NOC2L: variants seen among roughly 807,000 people sequenced by gnomAD.
NOC2L encodes NOC2 like nucleolar associated transcriptional repressor.
NOC2L carries 101 observed loss-of-function variants against 94.2 expected under a neutral mutation model. The observed-to-expected ratio is 1.07, with a 90% CI of 0.91 to 1.26. NOC2L has a LOEUF of 1.26. Ranked by LOEUF, NOC2L falls within the 50% of genes most tolerant of loss-of-function variation. The pLI is 0.00. For missense variants in NOC2L, 1,076 were observed against 980.1 expected (o/e 1.10, Z -1.31); for synonymous variants, 531 against 413.4 (o/e 1.28, Z -3.45).
In NOC2L at chr1:956,208, A is replaced by G. The variant is rs1642397202; in HGVS notation, c.494T>C (p.Leu165Pro). 1 of 1,613,460 alleles carries G rather than the reference A, an allele frequency of 6.2e-7. No individual in the cohort carries two copies. The highest frequency in any genetic ancestry group is 1.1e-5 in the South Asian group (1 of 91,084). ...CACTTCATGGAACAGCTTTGGAGTG[A>G]GGCGTTGCTGAAGGAGCAAGAGTAC... is the stretch of plus-strand genomic sequence containing the variant. ...ERWKQAAKQR[L>P]TPKLFHEVVQ... Residue 165 changes from leucine to proline, a missense_variant, in exon 5 of 19, where the codon CTC (leucine) becomes CCC (proline). Leu to Pro is a moderately conservative substitution (Grantham distance 98, BLOSUM62 -3). Coordinates refer to ENST00000327044, the MANE Select transcript of NOC2L (RefSeq NM_015658.4).
rs534317002 is a variant in NOC2L, at chr1:953,706, G to C, written c.888+76C>G. ...TGGGCACCACCTGTGCCCTGGCCAG[G>C]AGTGGGATGTGGTGGGGGTAGCCGT... On this transcript the variant is annotated intron_variant, in intron 8 of 18. Transcript: ENST00000327044. 217 of 1,106,284 alleles carry C rather than the reference G, an allele frequency of 2.0e-4. 3 individuals carry two copies. In the Middle Eastern group the frequency reaches 2.6e-3, roughly 13 times the overall value. The allele number at this position is 1,106,284 out of a possible 1,614,324, so 68.5% of individuals were successfully genotyped here.
chr1:946,450 G>A lies in NOC2L; in HGVS notation c.1755C>T (p.Cys585=). 1 of 1,613,374 alleles carries A rather than the reference G, an allele frequency of 6.2e-7. No homozygotes were observed. Among genetic ancestry groups the A allele is most frequent in the Non-Finnish European group, 8.5e-7 (1 of 1,180,010 alleles). ...CGAAGGAAACCCTCTGGCGGCGGCT[G>A]CAGATGTATGCCGAGTTCTCCTGAA... The part of the protein sequence containing the change: ...GKVQENSAYI[C]SRRQRVSFGV... The change falls in exon 15 of 19, where the codon TGC becomes TGT. Residue 585 remains cysteine (C), a synonymous_variant. Coordinates refer to ENST00000327044, the MANE Select transcript of NOC2L (RefSeq NM_015658.4).
intron 7 of NOC2L, 49 bp downstream of exon 7, chr1:953,955 G>A (rs764137394): frequency 4.3e-5 from 69 of 1,604,478 alleles, no homozygotes; most frequent in Non-Finnish European, 5.4e-5. Flanking sequence ...AAAAAGGACC[G>A]ACCACCAGAT....
At position 953,973 on chromosome 1, in the gene NOC2L, G is replaced by A. The variant is rs754659011; in HGVS notation, c.777+31C>T. On this transcript the variant is annotated intron_variant, in intron 7 of 18. Coordinates refer to ENST00000327044, the MANE Select transcript of NOC2L (RefSeq NM_015658.4). ...AAGGACCGACCACCAGATACAGCCA[G>A]GCCCCCGTGCCCTCCCCACCAGAAT... The A allele has an allele frequency of 5.6e-6, 9 of 1,604,276 alleles. No homozygotes were observed. In the Admixed American group the frequency reaches 1.5e-4, roughly 27 times the overall value.
chr1:953,396 T>A (rs1033132180), intron 8 of NOC2L, 108 bp from the exon 9 acceptor site: 1 of 688,314 alleles, frequency 1.5e-6, no homozygotes, highest in South Asian at 1.7e-5. Flanking sequence ...GGCCACCAGC[T>A]CTTCCCAAAG....
chr1:950,289 G>C (rs1028202185), intron 12 of NOC2L, among the ~76,000 whole-genome samples: 1 of 151,816 alleles, frequency 6.6e-6, no homozygotes, highest in Non-Finnish European at 1.5e-5. Flanking sequence ...ATGCACATAG[G>C]TGCACACAGG....
At chr1:954,332 C>T (rs747678609) in intron 6 of NOC2L, 16 of 508,304 alleles carry the variant, frequency 3.1e-5, no homozygotes, top group Admixed American at 7.2e-5. Context: ...GGGTTGGCCA[C>T]CGCCCTAAGA....
At position 944,483 on chromosome 1, in the gene NOC2L, A is replaced by G; in HGVS notation, c.*211T>C. 1.5e-6 allele frequency: 1 copy of G among 685,276 alleles called. No individual in the cohort carries two copies. The highest frequency in any genetic ancestry group is 2.3e-6 in the Non-Finnish European group (1 of 432,288). The allele number at this position is 685,276 out of a possible 1,614,324, so 42.4% of individuals were successfully genotyped here. On this transcript the variant is annotated 3_prime_UTR_variant, in exon 19 of 19. Coordinates refer to ENST00000327044, the MANE Select transcript of NOC2L (RefSeq NM_015658.4). ...CGCGGAGCTGACTTCAGCAGCCCACAGCTGTGGGGCTTCAGCAGCCACACC... is the reference window on the plus strand; with the variant it reads ...CGCGGAGCTGACTTCAGCAGCCCACGGCTGTGGGGCTTCAGCAGCCACACC...
In NOC2L at chr1:948,272, G is replaced by A. The variant is rs1379696271; in HGVS notation, c.1558-40C>T. ...AGAGGGCCGAGTGCATCAGGGAGAG[G>A]CTGGGGCTGGGCACTCAGGCCCCTT... On this transcript the variant is annotated intron_variant, in intron 13 of 18. Transcript: ENST00000327044. 6.0e-6 allele frequency: 9 copies of A among 1,491,074 alleles called. No homozygotes were observed. The East Asian group carries it at 2.2e-4, about 36-fold the overall frequency. 92.4% of individuals were successfully genotyped at this position (1,491,074 alleles called of 1,614,324 possible).
intron 2 of NOC2L, 199 bp downstream of exon 2, chr1:958,730 C>T (rs1411002728): frequency 1.4e-6 from 1 of 713,078 alleles, no homozygotes; most frequent in Non-Finnish European, 2.5e-6. Flanking sequence ...CCAACATACG[C>T]TCCCTGCCTA....
intron 6 of NOC2L, among the ~76,000 whole-genome samples, chr1:954,776 A>G (rs1282966700): frequency 6.6e-6 from 1 of 151,972 alleles, no homozygotes; most frequent in Non-Finnish European, 1.5e-5. Context: ...GCAGTGAGCT[A>G]TGATCACTGC....
Position 944,440 on chromosome 1 carries a change from C to T in NOC2L, c.*254G>A, listed in dbSNP as rs1176039833. On this transcript the variant is annotated 3_prime_UTR_variant, in exon 19 of 19. Transcript: ENST00000327044. ...ACTGGGACTGGTCTCGGTCTGCTGA[C>T]GTCAGGGTCAGCTCCCCCGCGGAGC... 75 of 976,494 alleles carry T rather than the reference C, an allele frequency of 7.7e-5. No individual in the cohort carries two copies. The highest frequency in any genetic ancestry group is 4.4e-4 in the Admixed American group (12 of 27,266). The allele number at this position is 976,494 out of a possible 1,614,324, so 60.5% of individuals were successfully genotyped here. A position where few individuals can be genotyped will look rare whatever the true frequency, so the allele number is the denominator to read the frequency against.
Position 944,765 on chromosome 1 carries a change from C to T in NOC2L, c.2179G>A (p.Gly727Arg). ...DPDAEAGLAPGELQQLAQGPE... is the reference protein window; with the variant it reads ...DPDAEAGLAPRELQQLAQGPE... The stretch of plus-strand genomic sequence containing the variant: ...CCCTGGGCCAGCTGCTGCAGCTCCC[C>T]AGGGGCCAGCCCCGCCTCTGCGTCT... The change falls in exon 19 of 19, where the codon GGG (glycine) becomes AGG (arginine). Residue 727 changes from glycine (G) to arginine (R), a missense_variant. Coordinates refer to ENST00000327044, the MANE Select transcript of NOC2L (RefSeq NM_015658.4). The T allele has an allele frequency of 4.4e-6, 7 of 1,599,792 alleles. No individual in the cohort carries two copies. Among genetic ancestry groups the T allele is most frequent in the Non-Finnish European group, 5.9e-6 (7 of 1,177,680 alleles).
chr1:958,328 C>G (rs950239715), intron 2 of NOC2L: 7 of 245,470 alleles, frequency 2.9e-5, no homozygotes, highest in Admixed American at 5.1e-5. Context: ...TCTCGGCTCA[C>G]TGCAACCTCC....
Position 957,292 on chromosome 1 carries a change from G to A in NOC2L, c.180-19C>T. On this transcript the variant is annotated intron_variant, in intron 2 of 18. Transcript: ENST00000327044. ...ACGCCGGCTGAGGAGGCAGAAGTCA[G>A]CGACCCCAGTGGGAAGTGGAAGTAG... is the stretch of plus-strand genomic sequence containing the variant. The A allele has an allele frequency of 6.2e-7, 1 of 1,612,134 alleles. No individual in the cohort carries two copies. Among genetic ancestry groups the A allele is most frequent in the Non-Finnish European group, 8.5e-7 (1 of 1,178,984 alleles).
chr1:953,929 T>C (rs1642330031), intron 7 of NOC2L, 37 bp from the exon 8 acceptor site: 8 of 1,608,690 alleles, frequency 5.0e-6, no homozygotes, highest in South Asian at 3.3e-5. Flanking sequence ...CCCAAACCCA[T>C]GTATTCTGGG....
intron 13 of NOC2L, 34 bp from the exon 14 acceptor site, chr1:948,266 G>A (rs1404920604): frequency 6.6e-7 from 1 of 1,516,648 alleles, no homozygotes; most frequent in Non-Finnish European, 9.0e-7. Flanking sequence ...AGTGCATCAG[G>A]GAGAGGCTGG....
intron 12 of NOC2L, among the ~76,000 whole-genome samples, chr1:949,171 GAGAA>G (rs70949530): frequency 0.51 from 74,288 of 145,244 alleles, 21,122 homozygotes; most frequent in East Asian, 0.64. Flanking sequence ...AGGAGGAGCA[GAGAA>G]AGAGTCAGCC....
intron 14 of NOC2L, among the ~76,000 whole-genome samples, chr1:947,803 C>T (rs1469369805): frequency 6.6e-6 from 1 of 152,230 alleles, no homozygotes; most frequent in East Asian, 1.9e-4. Flanking sequence ...GGGAAGTGTG[C>T]GATCAGCGTA....
Sources: allele counts gnomAD v4.1 joint callset (sites outside exome capture counted in the v4.1 genomes callset), GRCh38; gene constraint gnomAD v4.1.1; transcripts MANE v1.5; gene names NCBI Gene and HGNC (gene_info 2026-07-23, HGNC 2026-07-21).